The following APP variants were observed in gnomAD, a reference collection of about 807,000 sequenced individuals.
The protein encoded by APP is amyloid-beta precursor protein.
In APP, 31 loss-of-function variants were observed where a neutral mutation model predicts 101.4. The ratio of observed to expected loss-of-function variants is 0.31; its 90% CI spans 0.23 to 0.41. The LOEUF is 0.41. APP is among the 10% of genes least tolerant of loss of function. The pLI, the probability that APP is intolerant of heterozygous loss-of-function variation, is 1.00. For missense variants in APP, 839 were observed against 1,003.7 expected (o/e 0.84, Z 2.22); for synonymous variants, 366 against 364.4 (o/e 1.00, Z -0.05).
chr21:26,057,910 G>C (rs1431398749), intron 3 of APP, among the ~76,000 whole-genome samples: 1 of 152,156 alleles, frequency 6.6e-6, no homozygotes, highest in African/African-American at 2.4e-5. Flanking sequence ...TGGTCAATTT[G>C]ACAATAAAAC....
chr21:25,965,168 G>A (rs2041744645), intron 11 of APP, among the ~76,000 whole-genome samples: 1 of 152,194 alleles, frequency 6.6e-6, no homozygotes, highest in Non-Finnish European at 1.5e-5. Flanking sequence ...GCTTTGTTTA[G>A]TCAAACAGTG....
At chr21:26,040,649 A>T (rs1176190794) in intron 5 of APP, among the ~76,000 whole-genome samples, 1 of 151,066 alleles carries the variant, frequency 6.6e-6, no homozygotes, top group Non-Finnish European at 1.5e-5. Flanking sequence ...GGCACCTGTA[A>T]TCCTCGGGAG....
chr21:25,979,339 G>C (rs1354274225), intron 9 of APP, among the ~76,000 whole-genome samples: 1 of 152,154 alleles, frequency 6.6e-6, no homozygotes, highest in Non-Finnish European at 1.5e-5. Context: ...TTCTTATAAA[G>C]CAATTTTCCA....
At chr21:26,138,035 T>C (rs903120630) in intron 1 of APP, among the ~76,000 whole-genome samples, 2 of 152,230 alleles carry the variant, frequency 1.3e-5, no homozygotes, top group Admixed American at 6.5e-5. Flanking sequence ...TGTGATTTAA[T>C]ATACTCTTAA....
intron 1 of APP, among the ~76,000 whole-genome samples, chr21:26,152,250 A>C (rs2063289837): frequency 7.7e-6 from 1 of 130,490 alleles, no homozygotes. Context: ...GCGCCACTGC[A>C]CTCCAGTCTG....
At chr21:26,091,025 CTTCTA>C (rs1227194681) in intron 2 of APP, among the ~76,000 whole-genome samples, 1 of 152,176 alleles carries the variant, frequency 6.6e-6, no homozygotes, top group Non-Finnish European at 1.5e-5. Context: ...TATCAAACCA[CTTCTA>C]TTTATTAATG....
intron 2 of APP, among the ~76,000 whole-genome samples, chr21:26,111,274 C>T (rs1304898722): frequency 6.6e-6 from 1 of 151,638 alleles, no homozygotes; most frequent in African/African-American, 2.4e-5. Context: ...ACATGATAGT[C>T]AAAAAGTAAA....
chr21:26,068,065 T>C (rs545049520), intron 3 of APP: 2 of 152,304 alleles, frequency 1.3e-5, no homozygotes, highest in South Asian at 4.1e-4. Flanking sequence ...CCACAAGTCA[T>C]TACCAAAACC....
At chr21:25,995,816 A>G (rs1031608866) in intron 8 of APP, among the ~76,000 whole-genome samples, 5 of 152,238 alleles carry the variant, frequency 3.3e-5, no homozygotes, top group Admixed American at 2.6e-4. Flanking sequence ...AATTATTCTG[A>G]ATATTTTATG....
chr21:25,975,106 C>A lies in APP; in HGVS notation c.1422G>T (p.Glu474Asp). The A allele has an allele frequency of 1.2e-6, 2 of 1,614,100 alleles. No homozygotes were observed. Among genetic ancestry groups the A allele is most frequent in the Non-Finnish European group, 1.7e-6 (2 of 1,180,020 alleles). Residue 474 changes from glutamate to aspartate, a missense_variant, in exon 11 of 18, where the codon GAG becomes GAT. By Grantham distance (45) the Glu-to-Asp change is conservative. Coordinates refer to ENST00000346798, the MANE Select transcript of APP (RefSeq NM_000484.4). ...CAGCCTGCAGAGCGGTGATGTAGTT[C>A]TCCAGGGCCAGGCGGCGGCGGTCAT... ...MLNDRRRLALENYITALQAVP... is the reference protein window; with the variant it reads ...MLNDRRRLALDNYITALQAVP...
At chr21:26,161,807 T>C (rs1210782442) in intron 1 of APP, among the ~76,000 whole-genome samples, 5 of 152,302 alleles carry the variant, frequency 3.3e-5, no homozygotes, top group East Asian at 1.9e-4. Flanking sequence ...TGCTACTACA[T>C]ATCACTTTTC....
At chr21:25,958,484 A>T (rs540498541) in intron 11 of APP, among the ~76,000 whole-genome samples, 5 of 152,254 alleles carry the variant, frequency 3.3e-5, no homozygotes, top group African/African-American at 4.8e-5. Context: ...TCGCCATGTT[A>T]GCCAGGATGG....
intron 5 of APP, among the ~76,000 whole-genome samples, chr21:26,035,761 G>C (rs2045078350): frequency 6.6e-6 from 1 of 152,204 alleles, no homozygotes. Context: ...GTCAGGGAGA[G>C]AGAACGAGAG....
At chr21:26,087,669 A>G (rs566067901) in intron 3 of APP, among the ~76,000 whole-genome samples, 2 of 152,312 alleles carry the variant, frequency 1.3e-5, no homozygotes, top group East Asian at 3.9e-4. Flanking sequence ...CCTGTGCTTC[A>G]CAGCTGGGTA....
At chr21:26,088,684 C>A (rs1031168231) in intron 3 of APP, among the ~76,000 whole-genome samples, 1 of 152,028 alleles carries the variant, frequency 6.6e-6, no homozygotes, top group Non-Finnish European at 1.5e-5. Flanking sequence ...AGTTCTGTAT[C>A]TAGAATTTAA....
chr21:26,140,066 T>C, intron 1 of APP: 1 of 1,043,216 alleles, frequency 9.6e-7, no homozygotes, highest in Non-Finnish European at 1.4e-6. Context: ...ACATTGTACT[T>C]TTGAAAGATA....
At chr21:25,981,699 A>C (rs1283002481) in intron 9 of APP, among the ~76,000 whole-genome samples, 1 of 147,724 alleles carries the variant, frequency 6.8e-6, no homozygotes, top group Non-Finnish European at 1.5e-5. Flanking sequence ...AAAACAAACC[A>C]AACCAAAACA....
intron 13 of APP, chr21:25,934,052 C>T (rs1015478881): frequency 6.6e-6 from 1 of 152,082 alleles, no homozygotes; most frequent in Non-Finnish European, 1.5e-5. Context: ...AGGGTGGGCC[C>T]TTAATCATAT....
chr21:26,059,786 T>C (rs549169468), intron 3 of APP, among the ~76,000 whole-genome samples: 1 of 149,018 alleles, frequency 6.7e-6, no homozygotes, highest in African/African-American at 2.5e-5. Flanking sequence ...AGCTACTCAG[T>C]AGGCTGAGGC....
Sources: allele counts gnomAD v4.1 joint callset (sites outside exome capture counted in the v4.1 genomes callset), GRCh38; gene constraint gnomAD v4.1.1; transcripts MANE v1.5; gene names NCBI Gene and HGNC (gene_info 2026-07-23, HGNC 2026-07-21).